Variants in TNKS observed in about 807,000 individuals in gnomAD.
TNKS encodes the protein poly [ADP-ribose] polymerase tankyrase-1.
Under a neutral mutation model 135.8 loss-of-function variants are expected in TNKS, and 72 were observed. The ratio of observed to expected loss-of-function variants is 0.53; its 90% CI spans 0.44 to 0.64. TNKS has a LOEUF of 0.64. TNKS is among the 30% of genes least tolerant of loss of function. The probability of loss-of-function intolerance (pLI) is 0.00; values close to 1 mark genes in which losing one functional copy is unlikely to be tolerated. For synonymous variants in TNKS, 849 were observed against 649.3 expected (o/e 1.31, Z -4.68); for missense variants, 1,769 against 1,674.0 (o/e 1.06, Z -0.99).
intron 1 of TNKS, among the ~76,000 whole-genome samples, chr8:9,560,377 T>A (rs1187539647): frequency 2.6e-5 from 4 of 151,884 alleles, no homozygotes; most frequent in African/African-American, 9.7e-5. Flanking sequence ...AAAAACTAGT[T>A]TTCTTTGTTG....
intron 3 of TNKS, among the ~76,000 whole-genome samples, chr8:9,669,378 A>G (rs988566662): frequency 1.1e-4 from 16 of 147,116 alleles, no homozygotes; most frequent in Non-Finnish European, 1.2e-4. Flanking sequence ...AGATTGCGCC[A>G]CTGCAGTCCG....
chr8:9,697,774 G>C (rs901236650), intron 5 of TNKS, among the ~76,000 whole-genome samples: 74 of 152,062 alleles, frequency 4.9e-4, no homozygotes, highest in Non-Finnish European at 9.6e-4. Context: ...TTATTAAAAA[G>C]TCAAAAGACA....
At chr8:9,675,008 A>G (rs1161947249) in intron 3 of TNKS, among the ~76,000 whole-genome samples, 1 of 152,204 alleles carries the variant, frequency 6.6e-6, no homozygotes, top group Non-Finnish European at 1.5e-5. Flanking sequence ...AGTTGTTCTG[A>G]ATATATTTTT....
intron 2 of TNKS, among the ~76,000 whole-genome samples, chr8:9,597,837 C>T (rs908736138): frequency 6.6e-6 from 1 of 152,022 alleles, no homozygotes; most frequent in Non-Finnish European, 1.5e-5. Flanking sequence ...TGGTCTTTTC[C>T]TCAATGTGGG....
intron 20 of TNKS, among the ~76,000 whole-genome samples, 191 bp from the exon 21 acceptor site, chr8:9,761,325 C>T (rs1404243155): frequency 1.3e-5 from 2 of 152,106 alleles, no homozygotes; most frequent in Non-Finnish European, 2.9e-5. Flanking sequence ...TCAAAGAGTA[C>T]TTCAAGTAAG....
intron 3 of TNKS, among the ~76,000 whole-genome samples, chr8:9,626,696 AC>A (rs1164820616): frequency 6.6e-6 from 1 of 152,180 alleles, no homozygotes; most frequent in East Asian, 1.9e-4. Context: ...CTGCCACCTT[AC>A]AGTCAGTTGT....
intron 3 of TNKS, among the ~76,000 whole-genome samples, chr8:9,650,456 T>C (rs1480956479): frequency 6.6e-6 from 1 of 152,192 alleles, no homozygotes; most frequent in African/African-American, 2.4e-5. Flanking sequence ...TTGTTCCCTT[T>C]TCACCATATC....
rs189437709 is a variant in TNKS, at chr8:9,776,754, A to G, written c.*18A>G. 3 of 1,610,784 alleles carry G rather than the reference A, an allele frequency of 1.9e-6. No homozygotes were observed. Among genetic ancestry groups the G allele is most frequent in the Admixed American group, 3.3e-5 (2 of 59,966 alleles). On this transcript the variant is annotated 3_prime_UTR_variant, in exon 27 of 27. Coordinates refer to ENST00000310430, the MANE Select transcript of TNKS (RefSeq NM_003747.3). ...AGACCTAGTGAATGCCTGCTGGTGA[A>G]GGCCAGATCAGATTTCAACCTGGGA...
intron 26 of TNKS, among the ~76,000 whole-genome samples, chr8:9,774,586 C>T (rs1808118514): frequency 6.6e-6 from 1 of 152,202 alleles, no homozygotes; most frequent in African/African-American, 2.4e-5. Context: ...CCTTCTAGTT[C>T]TGCAGTTCAG....
Position 9,720,376 on chromosome 8 carries a change from G to T in TNKS, c.1752G>T (p.Met584Ile). 1 of 1,596,184 alleles carries T rather than the reference G, an allele frequency of 6.3e-7. No individual in the cohort carries two copies. The highest frequency in any genetic ancestry group is 8.5e-7 in the Non-Finnish European group (1 of 1,171,888). ...GTGCCCACGCAATGATTTTTCAGAT[G>T]AATGCACTGGACACCCTTGGTCAGA... ...MEVLHKHGAKMNALDTLGQTA... is the reference protein window; with the variant it reads ...MEVLHKHGAKINALDTLGQTA... The change falls in exon 12 of 27, where the codon ATG becomes ATT. Residue 584 changes from methionine to isoleucine, a missense_variant and splice_region_variant. Met to Ile is a conservative substitution (Grantham distance 10). This residue lies in a region of TNKS where 523 missense variants were observed against 541.0 expected (regional missense o/e 0.97). Coordinates refer to ENST00000310430, the MANE Select transcript of TNKS (RefSeq NM_003747.3).
intron 1 of TNKS, among the ~76,000 whole-genome samples, chr8:9,561,012 A>G (rs1335640638): frequency 6.6e-6 from 1 of 152,202 alleles, no homozygotes; most frequent in East Asian, 1.9e-4. Context: ...AATAGCAAAA[A>G]ATTTGTAACA....
intron 3 of TNKS, among the ~76,000 whole-genome samples, chr8:9,669,834 G>A (rs1802187786): frequency 6.6e-6 from 1 of 151,600 alleles, no homozygotes; most frequent in South Asian, 2.1e-4. Context: ...ATTTGGTCAG[G>A]AAGAGTTTCA....
At chr8:9,731,419 C>T (rs1805431098) in intron 14 of TNKS, among the ~76,000 whole-genome samples, 1 of 125,692 alleles carries the variant, frequency 8.0e-6, no homozygotes, top group South Asian at 2.6e-4. Context: ...AAGATCTCAG[C>T]ATTGCACTCC....
chr8:9,774,848 C>T (rs911711586), intron 26 of TNKS, among the ~76,000 whole-genome samples: 1 of 152,146 alleles, frequency 6.6e-6, no homozygotes, highest in Non-Finnish European at 1.5e-5. Context: ...ACAGCTTTTC[C>T]GCAAGTAAAA....
At chr8:9,703,134 T>C in intron 5 of TNKS, among the ~76,000 whole-genome samples, 1 of 152,190 alleles carries the variant, frequency 6.6e-6, no homozygotes, top group Non-Finnish European at 1.5e-5. Context: ...GCCTGAAGCC[T>C]CGGATAGTAC....
chr8:9,743,734 C>A (rs764221931), intron 17 of TNKS, among the ~76,000 whole-genome samples: 1 of 152,176 alleles, frequency 6.6e-6, no homozygotes, highest in Non-Finnish European at 1.5e-5. Context: ...CCAAAAAATA[C>A]ATATCCATAT....
intron 21 of TNKS, among the ~76,000 whole-genome samples, chr8:9,762,256 A>G (rs1413474766): frequency 3.3e-5 from 5 of 152,154 alleles, no homozygotes; most frequent in African/African-American, 7.2e-5. Context: ...CACCTTCACT[A>G]TAGGAAAGCA....
intron 15 of TNKS, among the ~76,000 whole-genome samples, chr8:9,734,036 T>C (rs1426247635): frequency 6.6e-6 from 1 of 152,204 alleles, no homozygotes; most frequent in Non-Finnish European, 1.5e-5. Flanking sequence ...AGATTTTCTT[T>C]TGCTTTTTTT....
chr8:9,655,308 C>A (rs1016510006), intron 3 of TNKS, among the ~76,000 whole-genome samples: 5 of 152,234 alleles, frequency 3.3e-5, no homozygotes, highest in African/African-American at 1.2e-4. Context: ...TAGGCTCCAC[C>A]TCTGGGGGCA....
Sources: gnomAD v4.1 joint callset for allele counts (sites outside exome capture counted in the v4.1 genomes callset) on GRCh38, gnomAD v4.1.1 for gene constraint, gnomAD v4.1.1 regional missense constraint, MANE v1.5 for transcripts, NCBI Gene and HGNC (gene_info 2026-07-23, HGNC 2026-07-21) for gene names.